CPQ: variants seen among roughly 807,000 people sequenced by gnomAD.
CPQ encodes the protein carboxypeptidase Q.
CPQ carries 37 observed loss-of-function variants against 45.7 expected under a neutral mutation model. That is an observed-to-expected ratio of 0.81 (90% CI 0.62 to 1.07). The LOEUF (loss-of-function observed/expected upper bound fraction) is 1.07. Among genes scored for constraint, CPQ ranks in the 50% least tolerant of loss-of-function variants. The pLI is 0.00. For synonymous variants in CPQ, 186 were observed against 205.8 expected, an observed-to-expected ratio of 0.90 and a Z score of 0.82; for missense variants, 537 against 572.9, an observed-to-expected ratio of 0.94 and a Z score of 0.64.
intron 1 of CPQ, among the ~76,000 whole-genome samples, chr8:96,759,493 T>C (rs1810371302): frequency 6.6e-6 from 1 of 152,156 alleles, no homozygotes; most frequent in African/African-American, 2.4e-5. Flanking sequence ...TTGGTGAACT[T>C]AAGGACCTTA....
rs553073232 is a variant in CPQ at position 96,984,578 on chromosome 8, C to T, written c.961+18532C>T. Among the ~76,000 whole-genome samples, 6 of 152,300 alleles carry T rather than the reference C, an allele frequency of 3.9e-5. No individual in the cohort carries two copies. In the South Asian group the frequency reaches 1.2e-3, roughly 32 times the overall value. ...TAACCTACAGTGCCTTGATCTTGAA[C>T]TTGTCAGGCTTTAGAACTGTGAGAA... is the stretch of plus-strand genomic sequence containing the variant. On this transcript the variant is annotated intron_variant, in intron 5 of 7. Coordinates refer to ENST00000220763, the MANE Select transcript of CPQ (RefSeq NM_016134.4).
chr8:97,085,906 A>G lies in CPQ; in HGVS notation c.1255+19696A>G, dbSNP rs532036824. Among the ~76,000 whole-genome samples, 7 of 152,348 alleles carry G rather than the reference A, an allele frequency of 4.6e-5. No homozygotes were observed. The South Asian group carries it at 1.4e-3, about 32-fold the overall frequency. ...TGTAATGCTTAATTATCCTTAATAC[A>G]TAAAGGAAGTGACCTACAAATTCTT... On this transcript the variant is annotated intron_variant, in intron 7 of 7. Coordinates refer to ENST00000220763, the MANE Select transcript of CPQ (RefSeq NM_016134.4).
At chr8:96,658,111 GC>G (rs1815659082) in intron 1 of CPQ, among the ~76,000 whole-genome samples, 1 of 152,094 alleles carries the variant, frequency 6.6e-6, no homozygotes, top group South Asian at 2.1e-4. Flanking sequence ...GCTTTTTTGA[GC>G]TAAAGCTTAA....
chr8:96,650,525 A>T (rs903140664), intron 1 of CPQ, among the ~76,000 whole-genome samples: 4 of 152,196 alleles, frequency 2.6e-5, no homozygotes, highest in African/African-American at 4.8e-5. Context: ...AGTTTGTTTC[A>T]TGGCTCAGAC....
chr8:96,903,994 A>G (rs1042169119), intron 4 of CPQ, among the ~76,000 whole-genome samples: 1 of 152,174 alleles, frequency 6.6e-6, no homozygotes, highest in African/African-American at 2.4e-5. Flanking sequence ...AGACCAAAAT[A>G]CCACAGGCCT....
intron 2 of CPQ, among the ~76,000 whole-genome samples, chr8:96,822,131 G>C (rs964473082): frequency 6.6e-6 from 1 of 151,882 alleles, no homozygotes; most frequent in South Asian, 2.1e-4. Flanking sequence ...TAGATTCCAC[G>C]TATAAGTAAG....
chr8:96,728,236 T>C (rs1384979198), intron 1 of CPQ, among the ~76,000 whole-genome samples: 1 of 152,204 alleles, frequency 6.6e-6, no homozygotes, highest in Admixed American at 6.5e-5. Context: ...CTGACTTGTT[T>C]TGATAATTTT....
chr8:96,838,510 G>C (rs148914495), intron 3 of CPQ, among the ~76,000 whole-genome samples: 12 of 152,130 alleles, frequency 7.9e-5, no homozygotes, highest in Middle Eastern at 3.4e-3. Flanking sequence ...CATTCTATTG[G>C]GCAGAATGCT....
chr8:97,015,181 A>G lies in CPQ; in HGVS notation c.962-14222A>G, dbSNP rs948035166. ...TTGTACTGTTGTTTAACTTCTCACC[A>G]GTTGATGTTTTTGTAAGGTAGAACT... On this transcript the variant is annotated intron_variant, in intron 5 of 7. Transcript: ENST00000220763. Among the ~76,000 whole-genome samples, 19 of 152,182 alleles carry G rather than the reference A, an allele frequency of 1.2e-4. 1 individual carries two copies. The highest frequency in any genetic ancestry group is 1.2e-3 in the Admixed American group (19 of 15,276).
chr8:97,137,314 G>T (rs1265982467), intron 7 of CPQ, among the ~76,000 whole-genome samples: 1 of 152,160 alleles, frequency 6.6e-6, no homozygotes, highest in African/African-American at 2.4e-5. Flanking sequence ...TCTTTAAGAA[G>T]CTCTGACTGG....
At chr8:97,080,933 T>TTTCCTTCC (rs762353071) in intron 7 of CPQ, among the ~76,000 whole-genome samples, 3 of 151,580 alleles carry the variant, frequency 2.0e-5, no homozygotes, top group Admixed American at 1.3e-4. Flanking sequence ...TCCTTCCTTC[T>TTTCCTTCC]TTCCTTCCTT....
At chr8:96,737,507 C>A (rs1396428125) in intron 1 of CPQ, among the ~76,000 whole-genome samples, 1 of 151,884 alleles carries the variant, frequency 6.6e-6, no homozygotes, top group East Asian at 1.9e-4. Flanking sequence ...AAGCATCCAG[C>A]TCGAGAAAAA....
intron 2 of CPQ, among the ~76,000 whole-genome samples, chr8:96,788,862 A>G (rs1015334407): frequency 3.3e-5 from 5 of 151,872 alleles, no homozygotes; most frequent in African/African-American, 9.7e-5. Flanking sequence ...ACCTCTATCA[A>G]TCTGTCATCA....
At chr8:96,883,192 G>T (rs1185949598) in intron 4 of CPQ, among the ~76,000 whole-genome samples, 1 of 152,184 alleles carries the variant, frequency 6.6e-6, no homozygotes, top group South Asian at 2.1e-4. Context: ...GGATATGTGG[G>T]TGGTTTCTAG....
intron 4 of CPQ, among the ~76,000 whole-genome samples, chr8:96,910,174 T>TC (rs1392882901): frequency 3.3e-5 from 5 of 152,290 alleles, no homozygotes; most frequent in Non-Finnish European, 5.9e-5. Context: ...GGGGTTTTTT[T>TC]CCCCTTCTTT....
At chr8:96,734,666 G>A (rs993347390) in intron 1 of CPQ, among the ~76,000 whole-genome samples, 7 of 151,352 alleles carry the variant, frequency 4.6e-5, no homozygotes, top group Middle Eastern at 3.4e-3. Context: ...AGCCGAGATC[G>A]CCCCACTGCA....
intron 7 of CPQ, among the ~76,000 whole-genome samples, chr8:97,086,496 G>C (rs1811043189): frequency 6.6e-6 from 1 of 152,156 alleles, no homozygotes; most frequent in South Asian, 2.1e-4. Context: ...TTTGATTGCA[G>C]AGTCTGTTTT....
intron 6 of CPQ, among the ~76,000 whole-genome samples, chr8:97,034,887 T>C (rs573678534): frequency 4.1e-4 from 63 of 152,132 alleles, no homozygotes; most frequent in Non-Finnish European, 6.6e-4. Context: ...GTTTGTCCCT[T>C]TCTATTTTTT....
At chr8:96,705,082 A>G (rs1563474148) in intron 1 of CPQ, among the ~76,000 whole-genome samples, 1 of 152,170 alleles carries the variant, frequency 6.6e-6, no homozygotes, top group Non-Finnish European at 1.5e-5. Context: ...TAAAGATGAT[A>G]AAGAAGGGTG....
Sources: allele counts gnomAD v4.1 joint callset (sites outside exome capture counted in the v4.1 genomes callset), GRCh38; gene constraint gnomAD v4.1.1; transcripts MANE v1.5; gene names NCBI Gene and HGNC (gene_info 2026-07-23, HGNC 2026-07-21).